Variants in PLD1 observed in about 807,000 individuals in gnomAD.
PLD1 encodes phospholipase D1, also known as choline phosphatase 1.
A neutral mutation model predicts 137.1 loss-of-function variants in PLD1; 112 were observed. That is an observed-to-expected ratio of 0.82 (90% CI 0.70 to 0.96). The LOEUF is 0.96. Ranked by LOEUF, PLD1 falls within the 40% of genes least tolerant of loss-of-function variation. PLD1 has a pLI of 0.00. For missense variants in PLD1, 1,321 were observed against 1,342.0 expected (o/e 0.98, Z 0.24); for synonymous variants, 431 against 454.7 (o/e 0.95, Z 0.66).
intron 19 of PLD1, among the ~76,000 whole-genome samples, chr3:171,664,138 G>T (rs1388409938): frequency 6.6e-6 from 1 of 152,038 alleles, no homozygotes; most frequent in Non-Finnish European, 1.5e-5. Context: ...TTGTCAACAT[G>T]AATATATTAA....
chr3:171,697,091 C>T (rs933883859), intron 12 of PLD1, among the ~76,000 whole-genome samples: 1 of 152,148 alleles, frequency 6.6e-6, no homozygotes, highest in African/African-American at 2.4e-5. Context: ...CAGGATCTTC[C>T]TCCTGAGCCC....
intron 26 of PLD1, 106 bp downstream of exon 26, chr3:171,605,193 C>A (rs1292908831): frequency 1.3e-6 from 1 of 757,732 alleles, no homozygotes; most frequent in East Asian, 2.5e-5. Context: ...AGCTTTTTTA[C>A]GTTTATTAAG....
rs1342767907 is a variant in PLD1, at chr3:171,720,318, G to A, written c.758+4378C>T. ...CAAAAAAAAAAAAAAAAAAAAGGCCGGGCGCGGTGGCTCACGCTTGTAATC... is the reference window on the plus strand; with the variant it reads ...CAAAAAAAAAAAAAAAAAAAAGGCCAGGCGCGGTGGCTCACGCTTGTAATC... On this transcript the variant is annotated intron_variant, in intron 8 of 26. Transcript: ENST00000351298. Among the ~76,000 whole-genome samples, 8 of 143,302 alleles carry A rather than the reference G, an allele frequency of 5.6e-5. No individual in the cohort carries two copies. In the East Asian group the frequency reaches 1.6e-3, roughly 29 times the overall value. The allele number at this position is 143,302 out of a possible 152,430, so 94.0% of individuals were successfully genotyped here.
At position 171,688,806 on chromosome 3, in the gene PLD1, A is replaced by T. The variant is rs779602612; in HGVS notation, c.1409T>A (p.Ile470Asn). The T allele has an allele frequency of 1.9e-6, 3 of 1,614,042 alleles. No individual in the cohort carries two copies. The South Asian group carries it at 3.3e-5, about 18-fold the overall frequency. Residue 470 changes from isoleucine to asparagine, a missense_variant, in exon 14 of 27, where the codon ATT becomes AAT. Ile to Asn is a moderately radical substitution (Grantham distance 149, BLOSUM62 -3). Transcript: ENST00000351298. ...LWAHHEKLVI[I>N]DQSVAFVGGI... ...TCCCACAAAGGCCACCGATTGGTCA[A>T]TGATGACAAGCTTCTCATGGTGAGC...
intron 12 of PLD1, among the ~76,000 whole-genome samples, chr3:171,693,673 G>A (rs1035223933): frequency 2.0e-5 from 3 of 151,954 alleles, no homozygotes; most frequent in Non-Finnish European, 4.4e-5. Context: ...CATATATACT[G>A]GATTATGTAT....
intron 23 of PLD1, among the ~76,000 whole-genome samples, chr3:171,629,543 C>T (rs1578141113): frequency 6.6e-6 from 1 of 152,274 alleles, no homozygotes; most frequent in African/African-American, 2.4e-5. Context: ...AAAAAAGAGC[C>T]CGCATTGCCA....
At chr3:171,672,310 C>T (rs1712850958) in intron 19 of PLD1, among the ~76,000 whole-genome samples, 1 of 152,150 alleles carries the variant, frequency 6.6e-6, no homozygotes, top group African/African-American at 2.4e-5. Flanking sequence ...GATGACTTCA[C>T]CATGCAAACG....
chr3:171,723,269 T>C (rs182588350), intron 8 of PLD1, among the ~76,000 whole-genome samples: 76 of 152,302 alleles, frequency 5.0e-4, no homozygotes, highest in Non-Finnish European at 1.0e-3. Flanking sequence ...CTAAACATAA[T>C]GACCTCTAGA....
Position 171,637,509 on chromosome 3 carries a change from A to G in PLD1, c.2593+5331T>C, listed in dbSNP as rs549499983. Among the ~76,000 whole-genome samples, 20 of 152,312 alleles carry G rather than the reference A, an allele frequency of 1.3e-4. No individual in the cohort carries two copies. The East Asian group carries it at 2.5e-3, about 19-fold the overall frequency. On this transcript the variant is annotated intron_variant, in intron 23 of 26. Coordinates refer to ENST00000351298, the MANE Select transcript of PLD1 (RefSeq NM_002662.5). ...CAGCCTCCCAAAGTGCTGGAATTACAGGTGTGAGCCACCATGCCTGGTCCT... is the reference window on the plus strand; with the variant it reads ...CAGCCTCCCAAAGTGCTGGAATTACGGGTGTGAGCCACCATGCCTGGTCCT...
chr3:171,801,012 C>T (rs1340405185), intron 1 of PLD1, among the ~76,000 whole-genome samples: 3 of 152,158 alleles, frequency 2.0e-5, no homozygotes, highest in Non-Finnish European at 2.9e-5. Flanking sequence ...ACTGTACTGC[C>T]CTGAAACAAA....
At position 171,618,720 on chromosome 3, in the gene PLD1, A is replaced by ATGTGTGTG. The variant is rs199668732; in HGVS notation, c.2728+1658_2728+1665dup. ...TGCTATACAAATATTAAAAGTGTGT[A>ATGTGTGTG]TGTGTGTGTGTGTGTGTGTGTGTGT... is the stretch of plus-strand genomic sequence containing the variant. On this transcript the variant is annotated intron_variant, in intron 24 of 26. Transcript: ENST00000351298. 2.5e-3 allele frequency among the ~76,000 whole-genome samples: 347 copies of ATGTGTGTG among 140,754 alleles called. 1 individual carries two copies. The highest frequency in any genetic ancestry group is 0.022 in the Middle Eastern group (6 of 272). 92.3% of individuals were successfully genotyped at this position (140,754 alleles called of 152,430 possible).
chr3:171,737,870 C>T (rs186981682), intron 2 of PLD1, 22 bp downstream of exon 2: 223 of 1,607,458 alleles, frequency 1.4e-4, no homozygotes, highest in Non-Finnish European at 1.8e-4. Flanking sequence ...TTTTCTTCCC[C>T]GCTCAGATCA....
At chr3:171,701,193 C>G (rs79879205) in intron 11 of PLD1, among the ~76,000 whole-genome samples, 6,364 of 152,158 alleles carry the variant, frequency 0.042, 187 homozygotes, top group Non-Finnish European at 0.066. Flanking sequence ...AATAAGGAAA[C>G]AGACAAATGG....
intron 1 of PLD1, among the ~76,000 whole-genome samples, chr3:171,741,176 T>C (rs950096810): frequency 1.3e-5 from 2 of 152,252 alleles, no homozygotes; most frequent in African/African-American, 4.8e-5. Flanking sequence ...TTTTATGGTT[T>C]ATAATATTTT....
At chr3:171,713,401 A>C (rs1439432303) in intron 9 of PLD1, among the ~76,000 whole-genome samples, 2 of 152,230 alleles carry the variant, frequency 1.3e-5, no homozygotes, top group East Asian at 3.9e-4. Flanking sequence ...ATAGAGTTTC[A>C]GTGAGTGAAG....
intron 1 of PLD1, among the ~76,000 whole-genome samples, chr3:171,805,785 T>C (rs1723820456): frequency 6.6e-6 from 1 of 152,220 alleles, no homozygotes; most frequent in Non-Finnish European, 1.5e-5. Context: ...CAGACAGCAG[T>C]GTCAAAACTC....
In PLD1 at chr3:171,728,287, G is replaced by A. The variant is rs141800040; in HGVS notation, c.607-2211C>T. On this transcript the variant is annotated intron_variant, in intron 6 of 26. Transcript: ENST00000351298. ...GCGGAGATCGTGCCCCTGCACTCCA[G>A]CCTGGGCAACACAGCAGGACTGTCT... is the stretch of plus-strand genomic sequence containing the variant. Among the ~76,000 whole-genome samples the A allele has an allele frequency of 2.1e-3, 325 of 152,334 alleles. 3 individuals carry two copies. Among genetic ancestry groups the A allele is most frequent in the African/African-American group, 7.0e-3 (289 of 41,572 alleles).
intron 1 of PLD1, among the ~76,000 whole-genome samples, chr3:171,786,144 T>C (rs73176183): frequency 0.091 from 13,898 of 152,248 alleles, 794 homozygotes; most frequent in Middle Eastern, 0.19. Flanking sequence ...CACCTTAATG[T>C]AGGTTCGTGG....
Position 171,726,088 on chromosome 3 carries a change from C to CA in PLD1, c.607-13dup, listed in dbSNP as rs769661666. ...TCAAGAAACTCTGTCTGAAAAGAAG[C>CA]AAAAAATCCATCTTTAGCAAGCAAA... On this transcript the variant is annotated splice_polypyrimidine_tract_variant and intron_variant, in intron 6 of 26. Coordinates refer to ENST00000351298, the MANE Select transcript of PLD1 (RefSeq NM_002662.5). The CA allele has an allele frequency of 1.9e-6, 3 of 1,595,554 alleles. No homozygotes were observed. Among genetic ancestry groups the CA allele is most frequent in the Admixed American group, 3.3e-5 (2 of 59,844 alleles).
Sources: gnomAD v4.1 joint callset for allele counts (sites outside exome capture counted in the v4.1 genomes callset) on GRCh38, gnomAD v4.1.1 for gene constraint, MANE v1.5 for transcripts, NCBI Gene and HGNC (gene_info 2026-07-23, HGNC 2026-07-21) for gene names.